ESR1: variants seen among roughly 807,000 people sequenced by gnomAD.
The protein encoded by ESR1 is estrogen receptor 1, also known as estrogen receptor.
In ESR1, 12 loss-of-function variants were observed where a neutral mutation model predicts 52.7. The ratio of observed to expected loss-of-function variants is 0.23; its 90% CI spans 0.15 to 0.37. The LOEUF is 0.37. Ranked by LOEUF, ESR1 falls within the 10% of genes least tolerant of loss-of-function variation. The probability of loss-of-function intolerance (pLI) is 1.00; values close to 1 mark genes in which losing one functional copy is unlikely to be tolerated. For synonymous variants in ESR1, 305 were observed against 316.8 expected (o/e 0.96, Z 0.39); for missense variants, 584 against 779.7 (o/e 0.75, Z 2.99).
At chr6:151,718,509 C>G (rs886250173) in intron 2 of ESR1, among the ~76,000 whole-genome samples, 1 of 152,066 alleles carries the variant, frequency 6.6e-6, no homozygotes, top group East Asian at 1.9e-4. Context: ...ACTAAAATAT[C>G]GTATTAGTGT....
At chr6:152,077,534 C>T (rs9478282) in intron 6 of ESR1, among the ~76,000 whole-genome samples, 31,942 of 151,936 alleles carry the variant, frequency 0.21, 4,706 homozygotes, top group African/African-American at 0.41. Context: ...CAGCTTGCAC[C>T]ATGTGCCTGG....
chr6:151,837,672 C>G (rs1453235751), intron 1 of ESR1, among the ~76,000 whole-genome samples: 3 of 152,314 alleles, frequency 2.0e-5, no homozygotes, highest in African/African-American at 7.2e-5. Context: ...CAGAGAATCT[C>G]TACAGGCATC....
intron 2 of ESR1, among the ~76,000 whole-genome samples, chr6:151,751,800 C>T (rs1421284163): frequency 6.6e-6 from 1 of 152,140 alleles, no homozygotes; most frequent in Non-Finnish European, 1.5e-5. Flanking sequence ...GTTGGTACAG[C>T]ACACCAGGAG....
chr6:151,887,416 G>A (rs1482083136), intron 3 of ESR1, among the ~76,000 whole-genome samples: 2 of 151,962 alleles, frequency 1.3e-5, no homozygotes, highest in African/African-American at 4.8e-5. Flanking sequence ...AATCAAGTAA[G>A]TGAATCACAT....
intron 1 of ESR1, among the ~76,000 whole-genome samples, chr6:151,683,694 CA>C (rs943363369): frequency 6.6e-6 from 1 of 151,280 alleles, no homozygotes; most frequent in Non-Finnish European, 1.5e-5. Flanking sequence ...GGTTGTCATA[CA>C]TTTTTTTTTC....
At chr6:151,730,352 T>C (rs1364036479) in intron 2 of ESR1, among the ~76,000 whole-genome samples, 3 of 152,080 alleles carry the variant, frequency 2.0e-5, no homozygotes, top group Non-Finnish European at 4.4e-5. Context: ...CTCCACCTGT[T>C]GGACTGGTCT....
intron 1 of ESR1, among the ~76,000 whole-genome samples, chr6:151,833,162 A>C (rs958128775): frequency 6.6e-6 from 1 of 152,184 alleles, no homozygotes; most frequent in South Asian, 2.1e-4. Context: ...TGGTCAGGGC[A>C]GGGTGACACA....
In ESR1 at chr6:151,715,704, T is replaced by G. The variant is rs190474500; in HGVS notation, c.-71+13699T>G. On this transcript the variant is annotated intron_variant, in intron 2 of 2. Transcript: ENST00000404742. ...CCATCAGGTCATTTATGTTCTGCTC[T>G]AAACTGGTTATTGTAGTTAGCAATT... Among the ~76,000 whole-genome samples, 787 of 152,350 alleles carry G rather than the reference T, an allele frequency of 5.2e-3. 3 individuals are homozygous for G. The highest frequency in any genetic ancestry group is 9.1e-3 in the Admixed American group (139 of 15,308).
intron 2 of ESR1, among the ~76,000 whole-genome samples, chr6:151,873,378 C>T (rs1327835472): frequency 6.6e-6 from 1 of 152,160 alleles, no homozygotes; most frequent in Non-Finnish European, 1.5e-5. Flanking sequence ...TAACACACTT[C>T]CTGGCATGTG....
At chr6:151,683,932 G>A (rs752910032) in intron 1 of ESR1, among the ~76,000 whole-genome samples, 2 of 143,872 alleles carry the variant, frequency 1.4e-5, no homozygotes, top group Admixed American at 7.2e-5. Context: ...GGCTGGTTTC[G>A]AACTCCTGAG....
intron 5 of ESR1, among the ~76,000 whole-genome samples, chr6:152,030,102 G>A (rs1208286606): frequency 6.6e-6 from 1 of 152,260 alleles, no homozygotes; most frequent in South Asian, 2.1e-4. Flanking sequence ...GAGAGATTTT[G>A]TCACCACCAG....
intron 3 of ESR1, among the ~76,000 whole-genome samples, chr6:151,917,187 C>A (rs1230082430): frequency 1.3e-5 from 2 of 152,120 alleles, no homozygotes. Context: ...AGTGGGGAGA[C>A]TACTGTTTAT....
At chr6:151,714,586 T>C (rs561264577) in intron 2 of ESR1, among the ~76,000 whole-genome samples, 6 of 152,360 alleles carry the variant, frequency 3.9e-5, no homozygotes, top group African/African-American at 1.4e-4. Flanking sequence ...TTTACCATTA[T>C]GTAATGCCCT....
At chr6:151,780,376 G>GAAAAA (rs199984940) in intron 2 of ESR1, among the ~76,000 whole-genome samples, 7 of 151,530 alleles carry the variant, frequency 4.6e-5, no homozygotes, top group African/African-American at 1.7e-4. Context: ...AAAAGAAAAA[G>GAAAAA]AAAAAAAACC....
At chr6:151,943,715 G>C (rs2035375196) in intron 3 of ESR1, among the ~76,000 whole-genome samples, 1 of 152,146 alleles carries the variant, frequency 6.6e-6, no homozygotes, top group African/African-American at 2.4e-5. Context: ...ACTATTAAAA[G>C]AATATTCCTA....
At chr6:151,866,967 G>A (rs1429750841) in intron 2 of ESR1, among the ~76,000 whole-genome samples, 1 of 152,086 alleles carries the variant, frequency 6.6e-6, no homozygotes, top group Non-Finnish European at 1.5e-5. Context: ...TGCTACACAT[G>A]TACAACCCTC....
chr6:151,982,061 C>T (rs937879825), intron 4 of ESR1, among the ~76,000 whole-genome samples: 3 of 152,220 alleles, frequency 2.0e-5, no homozygotes, highest in African/African-American at 4.8e-5. Context: ...TTTATTCATT[C>T]ACTCTGTTTA....
At chr6:151,946,153 AT>A (rs1203524839) in intron 4 of ESR1, among the ~76,000 whole-genome samples, 1 of 152,000 alleles carries the variant, frequency 6.6e-6, no homozygotes, top group African/African-American at 2.4e-5. Flanking sequence ...TTGTTCTTAT[AT>A]TATAGGGAAA....
intron 4 of ESR1, among the ~76,000 whole-genome samples, chr6:152,001,716 A>G (rs1278084349): frequency 6.6e-6 from 1 of 152,040 alleles, no homozygotes; most frequent in African/African-American, 2.4e-5. Context: ...ATACAAGTTC[A>G]GTGGTTACTG....
Sources: gnomAD v4.1 joint callset for allele counts (sites outside exome capture counted in the v4.1 genomes callset) on GRCh38, gnomAD v4.1.1 for gene constraint, MANE v1.5 for transcripts, NCBI Gene and HGNC (gene_info 2026-07-23, HGNC 2026-07-21) for gene names.